The following CDK6 variants were observed in gnomAD, a reference collection of about 807,000 sequenced individuals.
The protein encoded by CDK6 is cyclin-dependent kinase 6.
CDK6 carries 6 observed loss-of-function variants against 37.1 expected under a neutral mutation model. The ratio of observed to expected loss-of-function variants is 0.16; its 90% CI spans 0.09 to 0.32. The LOEUF (loss-of-function observed/expected upper bound fraction) is 0.32. Among genes scored for constraint, CDK6 ranks in the 10% least tolerant of loss-of-function variants. CDK6 has a pLI of 1.00. For missense variants in CDK6, 224 were observed against 418.9 expected (o/e 0.53, Z 4.06); for synonymous variants, 160 against 161.3 (o/e 0.99, Z 0.06).
At chr7:92,781,720 T>C (rs1172346535) in intron 2 of CDK6, among the ~76,000 whole-genome samples, 1 of 152,206 alleles carries the variant, frequency 6.6e-6, no homozygotes, top group East Asian at 1.9e-4. Flanking sequence ...GGACATCAAA[T>C]AGTTCAAGAG....
At chr7:92,653,515 T>G (rs1585371462) in intron 5 of CDK6, among the ~76,000 whole-genome samples, 1 of 152,238 alleles carries the variant, frequency 6.6e-6, no homozygotes, top group East Asian at 1.9e-4. Context: ...AGCTTCTGGA[T>G]TAAGCCAACC....
At chr7:92,752,185 A>C (rs1799205252) in intron 3 of CDK6, among the ~76,000 whole-genome samples, 2 of 152,210 alleles carry the variant, frequency 1.3e-5, no homozygotes, top group African/African-American at 4.8e-5. Context: ...TCCTAGGCTC[A>C]GCTTTGAGAA....
intron 6 of CDK6, among the ~76,000 whole-genome samples, chr7:92,620,660 C>T (rs1056251760): frequency 6.6e-6 from 1 of 152,086 alleles, no homozygotes; most frequent in Non-Finnish European, 1.5e-5. Flanking sequence ...GTAATCCCAG[C>T]AGTTTGGAAG....
In CDK6 at chr7:92,717,786, C is replaced by T. The variant is rs148725567; in HGVS notation, c.537+7840G>A. ...AGGGAATCAGTCATTTGATTCACTT[C>T]GCAAATCCACTTGGTGCAATTAGAT... On this transcript the variant is annotated intron_variant, in intron 4 of 7. Transcript: ENST00000424848. Among the ~76,000 whole-genome samples, 486 of 152,254 alleles carry T rather than the reference C, an allele frequency of 3.2e-3. 5 individuals carry two copies. Among genetic ancestry groups the T allele is most frequent in the African/African-American group, 0.011 (468 of 41,552 alleles).
At chr7:92,793,850 G>A (rs1800340417) in intron 2 of CDK6, among the ~76,000 whole-genome samples, 1 of 152,112 alleles carries the variant, frequency 6.6e-6, no homozygotes, top group African/African-American at 2.4e-5. Flanking sequence ...CTAAGGCCAG[G>A]GGTGTGGGGG....
In CDK6 at chr7:92,678,686, A is replaced by G. The variant is rs150314215; in HGVS notation, c.538-7151T>C. Among the ~76,000 whole-genome samples the G allele has an allele frequency of 2.0e-3, 304 of 152,302 alleles. 2 individuals are homozygous for G. Among genetic ancestry groups the G allele is most frequent in the African/African-American group, 6.6e-3 (275 of 41,572 alleles). On this transcript the variant is annotated intron_variant, in intron 4 of 7. Coordinates refer to ENST00000424848, the MANE Select transcript of CDK6 (RefSeq NM_001145306.2). ...ATGTTATCTGATTCATCCTCATTAT[A>G]TGGCCACAATGGCAGAAAAGCATGG...
intron 2 of CDK6, among the ~76,000 whole-genome samples, chr7:92,780,709 C>T (rs1253667730): frequency 3.4e-5 from 5 of 147,656 alleles, no homozygotes; most frequent in African/African-American, 5.0e-5. Flanking sequence ...TGCAGTGAGC[C>T]GAGACCGTGC....
At chr7:92,680,015 G>A (rs1396794269) in intron 4 of CDK6, among the ~76,000 whole-genome samples, 8 of 151,308 alleles carry the variant, frequency 5.3e-5, no homozygotes, top group Non-Finnish European at 1.2e-4. Context: ...CATCGTGCCC[G>A]GCCATAATTT....
chr7:92,732,525 T>C (rs1326066740), intron 3 of CDK6, among the ~76,000 whole-genome samples: 1 of 152,260 alleles, frequency 6.6e-6, no homozygotes, highest in East Asian at 1.9e-4. Context: ...CCTCACTCTG[T>C]ACTTCCTTCC....
At chr7:92,719,652 A>G (rs1310398759) in intron 4 of CDK6, among the ~76,000 whole-genome samples, 2 of 152,212 alleles carry the variant, frequency 1.3e-5, no homozygotes, top group African/African-American at 4.8e-5. Flanking sequence ...TAAACTATAC[A>G]GGTGTGTTTG....
chr7:92,727,799 T>G (rs910582877), intron 3 of CDK6, among the ~76,000 whole-genome samples: 7 of 152,048 alleles, frequency 4.6e-5, no homozygotes, highest in African/African-American at 1.7e-4. Flanking sequence ...CTTCAAGACT[T>G]GAGAAGCACT....
At position 92,614,562 on chromosome 7, in the gene CDK6, G is replaced by C. The variant is rs994272695; in HGVS notation, c.*578C>G. The C allele has an allele frequency of 2.6e-5, 6 of 233,512 alleles. No individual in the cohort carries two copies. Among genetic ancestry groups the C allele is most frequent in the Non-Finnish European group, 5.1e-5 (6 of 118,116 alleles). 14.5% of individuals were successfully genotyped at this position (233,512 alleles called of 1,614,324 possible). ...GGACATGGGGTTAACTTTCTAATTT[G>C]AGAAGACTATTTTGGTGAATCACCT... On this transcript the variant is annotated 3_prime_UTR_variant, in exon 8 of 8. Transcript: ENST00000424848.
chr7:92,631,059 A>C (rs1796039518), intron 5 of CDK6, among the ~76,000 whole-genome samples: 1 of 152,166 alleles, frequency 6.6e-6, no homozygotes, highest in Admixed American at 6.6e-5. Context: ...TCTGTCTCAC[A>C]ACTCCCAGTC....
intron 5 of CDK6, among the ~76,000 whole-genome samples, chr7:92,646,897 C>A (rs1008713126): frequency 3.9e-5 from 6 of 152,052 alleles, no homozygotes; most frequent in African/African-American, 1.4e-4. Flanking sequence ...AGTAAAATGA[C>A]ATAAAACCTC....
intron 2 of CDK6, among the ~76,000 whole-genome samples, chr7:92,775,512 A>T (rs1332972502): frequency 6.6e-6 from 1 of 152,186 alleles, no homozygotes; most frequent in African/African-American, 2.4e-5. Flanking sequence ...AAAGCAACAG[A>T]TTAACAAATG....
At chr7:92,792,413 C>G (rs1207786098) in intron 2 of CDK6, among the ~76,000 whole-genome samples, 2 of 152,096 alleles carry the variant, frequency 1.3e-5, no homozygotes, top group East Asian at 3.9e-4. Context: ...TTTCCCTGTT[C>G]TTGTAACATT....
At chr7:92,756,542 T>C (rs1169461273) in intron 3 of CDK6, among the ~76,000 whole-genome samples, 1 of 152,202 alleles carries the variant, frequency 6.6e-6, no homozygotes, top group Non-Finnish European at 1.5e-5. Context: ...CAATGAACAA[T>C]GTAGGTTTAG....
chr7:92,745,423 G>A (rs529326302), intron 3 of CDK6, among the ~76,000 whole-genome samples: 5 of 152,110 alleles, frequency 3.3e-5, no homozygotes, highest in Non-Finnish European at 7.3e-5. Flanking sequence ...CTATGACCTC[G>A]AGGATTTTCA....
chr7:92,706,245 C>T (rs1562941582), intron 4 of CDK6, among the ~76,000 whole-genome samples: 1 of 152,154 alleles, frequency 6.6e-6, no homozygotes, highest in Non-Finnish European at 1.5e-5. Flanking sequence ...CATTAAAATG[C>T]TCATTTTGGC....
Sources: gnomAD v4.1 joint callset for allele counts (sites outside exome capture counted in the v4.1 genomes callset) on GRCh38, gnomAD v4.1.1 for gene constraint, MANE v1.5 for transcripts, NCBI Gene and HGNC (gene_info 2026-07-23, HGNC 2026-07-21) for gene names.